Variants in PIGF observed in about 807,000 individuals in gnomAD.
PIGF encodes the protein GPI ethanolamine phosphate transferase, stabilizing subunit.
In PIGF, 23 loss-of-function variants were observed where a neutral mutation model predicts 26.0. The ratio of observed to expected loss-of-function variants is 0.88; its 90% CI spans 0.64 to 1.25. PIGF has a LOEUF of 1.25. PIGF is among the 50% of genes most tolerant of loss of function. PIGF has a pLI of 0.00. For synonymous variants in PIGF, 93 were observed against 92.6 expected (o/e 1.00, Z -0.03); for missense variants, 278 against 249.9 (o/e 1.11, Z -0.76).
chr2:46,604,481 TA>T lies in PIGF; in HGVS notation c.437+7746del, dbSNP rs34334394. ...AGTGTCTATCAACAGACTAATGGAT[TA>T]AAAAAAAAAAGTGATACATACATGC... On this transcript the variant is annotated intron_variant, in intron 4 of 5. Coordinates refer to ENST00000281382, the MANE Select transcript of PIGF (RefSeq NM_002643.4). Among the ~76,000 whole-genome samples the T allele has an allele frequency of 4.8e-3, 702 of 145,512 alleles. 5 individuals carry two copies. The highest frequency in any genetic ancestry group is 0.016 in the African/African-American group (630 of 39,852).
intron 2 of PIGF, chr2:46,614,370 G>C (rs1670538846): frequency 6.5e-6 from 1 of 153,130 alleles, no homozygotes; most frequent in African/African-American, 2.4e-5. Context: ...TCCAATCATA[G>C]GCAGTAAATG....
intron 3 of PIGF, 32 bp downstream of exon 3, chr2:46,613,662 A>C: frequency 6.9e-7 from 1 of 1,442,134 alleles, no homozygotes; most frequent in Middle Eastern, 1.9e-4. Flanking sequence ...ATGTTTTAAA[A>C]TATAAATTTA....
chr2:46,608,482 T>C (rs1219391865), intron 4 of PIGF, among the ~76,000 whole-genome samples: 1 of 152,228 alleles, frequency 6.6e-6, no homozygotes, highest in African/African-American at 2.4e-5. Flanking sequence ...ATCTCCTCCC[T>C]TGAATCACAA....
At chr2:46,599,312 T>C (rs1669985916) in intron 4 of PIGF, among the ~76,000 whole-genome samples, 1 of 152,230 alleles carries the variant, frequency 6.6e-6, no homozygotes. Flanking sequence ...ATTTTCTTGA[T>C]ATAGTGAGTC....
At chr2:46,603,445 C>T (rs1416880166) in intron 4 of PIGF, among the ~76,000 whole-genome samples, 1 of 152,058 alleles carries the variant, frequency 6.6e-6, no homozygotes, top group African/African-American at 2.4e-5. Context: ...AATCACATTA[C>T]TTGACTCAAA....
At chr2:46,607,644 T>G (rs1670266652) in intron 4 of PIGF, among the ~76,000 whole-genome samples, 1 of 152,190 alleles carries the variant, frequency 6.6e-6, no homozygotes, top group South Asian at 2.1e-4. Flanking sequence ...GGCCTTGATG[T>G]TGACGGCTGC....
chr2:46,605,621 G>C (rs969109226), intron 4 of PIGF, among the ~76,000 whole-genome samples: 1 of 152,124 alleles, frequency 6.6e-6, no homozygotes, highest in Non-Finnish European at 1.5e-5. Flanking sequence ...CATATGTGAA[G>C]TTAAGTAGCT....
chr2:46,612,408 T>C, intron 3 of PIGF, 64 bp from the exon 4 acceptor site: 1 of 468,780 alleles, frequency 2.1e-6, no homozygotes, highest in Non-Finnish European at 3.7e-6. Flanking sequence ...ATACATAATC[T>C]TTATTATATA....
chr2:46,609,620 C>T (rs1437871053), intron 4 of PIGF, among the ~76,000 whole-genome samples: 1 of 151,890 alleles, frequency 6.6e-6, no homozygotes, highest in Non-Finnish European at 1.5e-5. Flanking sequence ...TTCACTTGAA[C>T]ACTTAAGAGA....
chr2:46,585,442 TACATCAGATGTTAAGTG>T (rs1459115561), intron 5 of PIGF, among the ~76,000 whole-genome samples: 1 of 152,168 alleles, frequency 6.6e-6, no homozygotes, highest in East Asian at 1.9e-4. Flanking sequence ...AAATAAGTGG[TACATCAGATGTTAAGTG>T]ACCTTAGCCA....
chr2:46,596,968 C>T (rs1455609144), intron 4 of PIGF, among the ~76,000 whole-genome samples: 2 of 152,186 alleles, frequency 1.3e-5, no homozygotes, highest in East Asian at 1.9e-4. Context: ...TAAGAACTGC[C>T]TCTTTTTCCC....
chr2:46,609,516 T>C (rs1226636141), intron 4 of PIGF, among the ~76,000 whole-genome samples: 1 of 152,260 alleles, frequency 6.6e-6, no homozygotes, highest in African/African-American at 2.4e-5. Flanking sequence ...GGCTTCACTT[T>C]TAGTCTGTCT....
At chr2:46,599,225 C>T (rs564433802) in intron 4 of PIGF, among the ~76,000 whole-genome samples, 5 of 152,190 alleles carry the variant, frequency 3.3e-5, no homozygotes, top group Non-Finnish European at 7.3e-5. Flanking sequence ...CTTCACTTCT[C>T]CTCCCTGCAC....
intron 5 of PIGF, 140 bp downstream of exon 5, chr2:46,592,335 A>C (rs1669746988): frequency 1.6e-6 from 1 of 620,940 alleles, no homozygotes; most frequent in African/African-American, 1.8e-5. Flanking sequence ...GAAGCTGCCC[A>C]GATTACAGTG....
At position 46,592,567 on chromosome 2, in the gene PIGF, C is replaced by T. The variant is rs759382557; in HGVS notation, c.454G>A (p.Glu152Lys). The T allele has an allele frequency of 6.3e-7, 1 of 1,588,300 alleles. No individual in the cohort carries two copies. Among genetic ancestry groups the T allele is most frequent in the South Asian group, 1.1e-5 (1 of 90,544 alleles). Residue 152 changes from glutamate (E) to lysine (K), a missense_variant, in exon 5 of 6, where the codon GAG becomes AAG. By Grantham distance (56) the Glu-to-Lys change is moderately conservative. Transcript: ENST00000281382. ...FSRNGVTSIWENSLQITTISS... is the reference protein window; with the variant it reads ...FSRNGVTSIWKNSLQITTISS... Reference sequence around the variant, plus strand: ...ATTGTAGTGATCTGGAGACTATTCTCCCATATGGATGTAACTCTGTGAAAC... The same window carrying T: ...ATTGTAGTGATCTGGAGACTATTCTTCCATATGGATGTAACTCTGTGAAAC...
At chr2:46,586,926 T>C (rs577944665) in intron 5 of PIGF, among the ~76,000 whole-genome samples, 1 of 152,224 alleles carries the variant, frequency 6.6e-6, no homozygotes, top group African/African-American at 2.4e-5. Context: ...GAAGAGTTAT[T>C]TGCGAAGGGG....
intron 4 of PIGF, among the ~76,000 whole-genome samples, chr2:46,603,242 T>C (rs1440602059): frequency 6.6e-6 from 1 of 152,094 alleles, no homozygotes; most frequent in Non-Finnish European, 1.5e-5. Flanking sequence ...TATTTCATGT[T>C]TGTGAACTGG....
intron 4 of PIGF, among the ~76,000 whole-genome samples, chr2:46,597,865 A>C (rs887258618): frequency 6.6e-6 from 1 of 152,196 alleles, no homozygotes; most frequent in South Asian, 2.1e-4. Flanking sequence ...GTTATCAAAA[A>C]TTTCACAAAA....
intron 4 of PIGF, among the ~76,000 whole-genome samples, chr2:46,604,729 G>A (rs888204103): frequency 6.6e-6 from 1 of 151,886 alleles, no homozygotes. Flanking sequence ...TAGTGGGGGT[G>A]GGGGGTGCAG....
Sources: allele counts gnomAD v4.1 joint callset (sites outside exome capture counted in the v4.1 genomes callset), GRCh38; gene constraint gnomAD v4.1.1; transcripts MANE v1.5; gene names NCBI Gene and HGNC (gene_info 2026-07-23, HGNC 2026-07-21).